CPSF7: variants seen among roughly 807,000 people sequenced by gnomAD.
CPSF7 encodes cleavage and polyadenylation specificity factor subunit 7.
Under a neutral mutation model 44.3 loss-of-function variants are expected in CPSF7, and 1 was observed. The ratio of observed to expected loss-of-function variants is 0.02; its 90% CI spans 0.01 to 0.11. CPSF7 has a LOEUF of 0.11. Among genes scored for constraint, CPSF7 ranks in the 10% least tolerant of loss-of-function variants. CPSF7 has a pLI of 1.00. For synonymous variants in CPSF7, 202 were observed against 222.0 expected, an observed-to-expected ratio of 0.91 and a Z score of 0.80; for missense variants, 443 against 607.2, an observed-to-expected ratio of 0.73 and a Z score of 2.84.
intron 9 of CPSF7, among the ~76,000 whole-genome samples, chr11:61,406,480 G>T (rs922455315): frequency 6.6e-6 from 1 of 152,202 alleles, no homozygotes; most frequent in South Asian, 2.1e-4. Flanking sequence ...TCCTTAGGGT[G>T]AGAATGTAAG....
At chr11:61,417,179 A>G (rs1860419601) in intron 5 of CPSF7, among the ~76,000 whole-genome samples, 1 of 152,198 alleles carries the variant, frequency 6.6e-6, no homozygotes, top group South Asian at 2.1e-4. Context: ...ACAAGCAGAT[A>G]GCACACAGCT....
intron 9 of CPSF7, among the ~76,000 whole-genome samples, chr11:61,405,590 G>A (rs1039461681): frequency 3.9e-5 from 6 of 152,178 alleles, no homozygotes; most frequent in African/African-American, 1.4e-4. Context: ...ACCCATCTGC[G>A]GGTGGTGGTA....
chr11:61,407,027 T>C (rs1859396918), intron 9 of CPSF7, among the ~76,000 whole-genome samples: 1 of 152,186 alleles, frequency 6.6e-6, no homozygotes, highest in Non-Finnish European at 1.5e-5. Flanking sequence ...CCTCTCGGCC[T>C]CCCAAAGTGT....
intron 7 of CPSF7, among the ~76,000 whole-genome samples, chr11:61,413,049 G>A (rs868803335): frequency 6.6e-6 from 1 of 151,976 alleles, no homozygotes; most frequent in Non-Finnish European, 1.5e-5. Flanking sequence ...TGAACTCCTG[G>A]GCTCAAGCCA....
At chr11:61,416,567 C>T (rs1860360694) in intron 5 of CPSF7, 48 bp from the exon 6 acceptor site, 1 of 1,572,976 alleles carries the variant, frequency 6.4e-7, no homozygotes, top group African/African-American at 1.3e-5. Flanking sequence ...TTTACACAAA[C>T]CCACAGGACC....
At chr11:61,417,542 C>T (rs922357534) in intron 5 of CPSF7, among the ~76,000 whole-genome samples, 2 of 151,782 alleles carry the variant, frequency 1.3e-5, no homozygotes, top group African/African-American at 2.4e-5. Context: ...GGAAAGAGTG[C>T]TCCTTAAACT....
intron 2 of CPSF7, among the ~76,000 whole-genome samples, chr11:61,423,943 C>T (rs951426017): frequency 6.6e-6 from 1 of 152,232 alleles, no homozygotes; most frequent in South Asian, 2.1e-4. Context: ...AAGGATTCTA[C>T]TTCCTAAAGC....
At chr11:61,425,159 G>C (rs1420532710) in intron 2 of CPSF7, among the ~76,000 whole-genome samples, 2 of 152,208 alleles carry the variant, frequency 1.3e-5, no homozygotes, top group Admixed American at 6.5e-5. Context: ...TCAGTTCAAA[G>C]AAGCTGGTGG....
rs1469633219 is a variant in CPSF7, at chr11:61,419,965, C to T, written c.507G>A (p.Glu169=). ...CACACTCACGTTTCCGAGCCTGTGC[C>T]TCAAACTGTGACAGGTTCTGCCGGG... ...PATRQNLSQF[E]AQARKRIPPR... The change falls in exon 5 of 10, where the codon GAG becomes GAA. Residue 169 remains glutamate (E), a synonymous_variant. Coordinates refer to ENST00000439958, the MANE Select transcript of CPSF7 (RefSeq NM_001142565.3). The T allele has an allele frequency of 6.2e-7, 1 of 1,614,066 alleles. No homozygotes were observed. Among genetic ancestry groups the T allele is most frequent in the Non-Finnish European group, 8.5e-7 (1 of 1,180,044 alleles).
At chr11:61,416,004 G>T in intron 6 of CPSF7, 101 bp downstream of exon 6, 1 of 1,139,884 alleles carries the variant, frequency 8.8e-7, no homozygotes, top group South Asian at 1.6e-5. Context: ...ATGTCTATAA[G>T]GGAAAGAACA....
intron 3 of CPSF7, chr11:61,420,997 T>C (rs1475239208): frequency 2.0e-6 from 2 of 1,024,206 alleles, no homozygotes; most frequent in African/African-American, 3.3e-5. Flanking sequence ...AGAACAACAG[T>C]CACCACCTAC....
intron 7 of CPSF7, among the ~76,000 whole-genome samples, chr11:61,415,440 T>G (rs1860233102): frequency 6.6e-6 from 1 of 152,114 alleles, no homozygotes; most frequent in Non-Finnish European, 1.5e-5. Flanking sequence ...ATTCTAGGCA[T>G]TAAGTTGGTT....
intron 5 of CPSF7, among the ~76,000 whole-genome samples, 195 bp downstream of exon 5, chr11:61,419,754 A>T (rs1052387337): frequency 3.3e-5 from 5 of 152,128 alleles, no homozygotes; most frequent in African/African-American, 1.2e-4. Flanking sequence ...CTCCCAGCAC[A>T]ATGCTCTTTC....
chr11:61,420,229 A>T (rs1010634395), intron 4 of CPSF7, 135 bp from the exon 5 acceptor site: 5 of 742,872 alleles, frequency 6.7e-6, no homozygotes, highest in Non-Finnish European at 1.1e-5. Context: ...TACAGCACTA[A>T]CAACAAAGAG....
chr11:61,407,295 T>C lies in CPSF7; in HGVS notation c.*6-2591A>G, dbSNP rs566065699. Among the ~76,000 whole-genome samples the C allele has an allele frequency of 7.9e-5, 12 of 152,322 alleles. No individual in the cohort carries two copies. In the South Asian group the frequency reaches 2.3e-3, roughly 29 times the overall value. On this transcript the variant is annotated intron_variant, in intron 9 of 9. Transcript: ENST00000439958. ...GTGCATGCTCTGCACAGGTCAATCATCACCTTCCTGTTCACTCTTATCCCA... is the reference window on the plus strand; with the variant it reads ...GTGCATGCTCTGCACAGGTCAATCACCACCTTCCTGTTCACTCTTATCCCA...
At chr11:61,410,010 G>C (rs937498006) in intron 9 of CPSF7, among the ~76,000 whole-genome samples, 1 of 152,066 alleles carries the variant, frequency 6.6e-6, no homozygotes, top group African/African-American at 2.4e-5. Context: ...GCTCAGGCTG[G>C]TCTCAAACTC....
chr11:61,429,379 A>G, intron 1 of CPSF7, 89 bp from the exon 2 acceptor site: 1 of 772,096 alleles, frequency 1.3e-6, no homozygotes, highest in South Asian at 1.5e-5. Context: ...CCATCTCCAG[A>G]GACGCAGCAT....
At chr11:61,410,838 T>G in intron 9 of CPSF7, 100 bp downstream of exon 9, 1 of 1,270,478 alleles carries the variant, frequency 7.9e-7, no homozygotes, top group Non-Finnish European at 1.1e-6. Flanking sequence ...CCCCCTACCC[T>G]TGCTGCATTT....
rs916956107 is a variant in CPSF7 at position 61,429,922 on chromosome 11, T to TGGC, written c.-67_-65dup. On this transcript the variant is annotated 5_prime_UTR_variant, in exon 1 of 10. Coordinates refer to ENST00000439958, the MANE Select transcript of CPSF7 (RefSeq NM_001142565.3). ...CCGCGCGCCCCCGTTACCGGGAATA[T>TGGC]GGCGGCGGCGGCGGCGAGTCCGGAC... 2.1e-5 allele frequency: 31 copies of TGGC among 1,468,138 alleles called. No homozygotes were observed. The highest frequency in any genetic ancestry group is 1.0e-4 in the African/African-American group (7 of 69,504). The allele number at this position is 1,468,138 out of a possible 1,614,324, so 90.9% of individuals were successfully genotyped here.
Sources: allele counts gnomAD v4.1 joint callset (sites outside exome capture counted in the v4.1 genomes callset), GRCh38; gene constraint gnomAD v4.1.1; transcripts MANE v1.5; gene names NCBI Gene and HGNC (gene_info 2026-07-23, HGNC 2026-07-21).